Variants in GRIK4 observed in about 807,000 individuals in gnomAD.
GRIK4 encodes the protein glutamate receptor ionotropic, kainate 4.
A neutral mutation model predicts 104.9 loss-of-function variants in GRIK4; 40 were observed. The observed-to-expected ratio is 0.38, with a 90% CI of 0.30 to 0.50. The LOEUF is 0.50. Among genes scored for constraint, GRIK4 ranks in the 20% least tolerant of loss-of-function variants. The probability of loss-of-function intolerance (pLI) is 0.93; values close to 1 mark genes in which losing one functional copy is unlikely to be tolerated. For synonymous variants in GRIK4, 485 were observed against 524.9 expected, an observed-to-expected ratio of 0.92 and a Z score of 1.04; for missense variants, 1,047 against 1,308.1, an observed-to-expected ratio of 0.80 and a Z score of 3.08.
At chr11:120,951,378 C>T (rs1279580251) in intron 14 of GRIK4, among the ~76,000 whole-genome samples, 1 of 152,180 alleles carries the variant, frequency 6.6e-6, no homozygotes, top group Non-Finnish European at 1.5e-5. Context: ...TTCTAGCTTC[C>T]CCTGGATAAT....
rs1004462284 is a variant in GRIK4 at position 120,902,937 on chromosome 11, C to T, written c.1273-2353C>T. 6.6e-6 allele frequency among the ~76,000 whole-genome samples: 1 copy of T among 152,142 alleles called. No homozygotes were observed. The highest frequency in any genetic ancestry group is 2.4e-5 in the African/African-American group (1 of 41,414). ...TCATCCAGAATCAGAATCACGTCACCTTCCACTCAGAGCTCCCGCTCCCTG... is the reference window on the plus strand; with the variant it reads ...TCATCCAGAATCAGAATCACGTCACTTTCCACTCAGAGCTCCCGCTCCCTG... On this transcript the variant is annotated intron_variant, in intron 12 of 20. Coordinates refer to ENST00000527524, the MANE Select transcript of GRIK4 (RefSeq NM_014619.5). This position sits in a 1 kb window ranked among gnomAD's most constrained non-coding sequence, Gnocchi z 4.5.
At chr11:120,605,260 A>G (rs1208139894) in intron 1 of GRIK4, among the ~76,000 whole-genome samples, 1 of 152,200 alleles carries the variant, frequency 6.6e-6, no homozygotes, top group Non-Finnish European at 1.5e-5. Context: ...CGAGTATTTG[A>G]GGGAGGCTAG....
Position 120,911,241 on chromosome 11 carries a change from T to C in GRIK4, c.1476+5748T>C, listed in dbSNP as rs554957813. The stretch of plus-strand genomic sequence containing the variant: ...AGAAGGTACAGATTCCAAAATTCTC[T>C]TTTTTTTTTTTTTTTGAGACGGAGT... On this transcript the variant is annotated intron_variant, in intron 13 of 20. Coordinates refer to ENST00000527524, the MANE Select transcript of GRIK4 (RefSeq NM_014619.5). Among the ~76,000 whole-genome samples the C allele has an allele frequency of 4.7e-3, 612 of 131,104 alleles. 2 individuals are homozygous for C. The highest frequency in any genetic ancestry group is 0.018 in the African/African-American group (580 of 31,910). 86.0% of individuals were successfully genotyped at this position (131,104 alleles called of 152,430 possible). A position where few individuals can be genotyped will look rare whatever the true frequency, so the allele number is the denominator to read the frequency against.
At chr11:120,614,477 CATCTGGAGGCCCCCGG>C (rs1182801374) in intron 1 of GRIK4, among the ~76,000 whole-genome samples, 9 of 152,300 alleles carry the variant, frequency 5.9e-5, no homozygotes, top group Admixed American at 3.9e-4. Context: ...GAGGTGCCTG[CATCTGGAGGCCCCCGG>C]ATCAGCGAGT....
chr11:120,847,085 G>A (rs970500193), intron 8 of GRIK4, among the ~76,000 whole-genome samples: 4 of 152,216 alleles, frequency 2.6e-5, no homozygotes, highest in African/African-American at 9.6e-5. Flanking sequence ...TCGTGCCAAG[G>A]TGCTAATGTC....
chr11:120,715,284 A>G (rs3132775), intron 3 of GRIK4, among the ~76,000 whole-genome samples: 60,515 of 152,102 alleles, frequency 0.4, 13,911 homozygotes, highest in South Asian at 0.56. Flanking sequence ...CCAACCTACG[A>G]GGGCAGGCAA....
intron 3 of GRIK4, among the ~76,000 whole-genome samples, chr11:120,668,913 A>G (rs1949968122): frequency 6.6e-6 from 1 of 152,204 alleles, no homozygotes; most frequent in Admixed American, 6.5e-5. Flanking sequence ...TCCTGCATAG[A>G]AGCACTTAGG....
At chr11:120,795,037 A>G (rs77279456) in intron 3 of GRIK4, among the ~76,000 whole-genome samples, 1,792 of 152,078 alleles carry the variant, frequency 0.012, 67 homozygotes, top group Admixed American at 0.072. Flanking sequence ...TGGGGAGCAG[A>G]GCTAACGCAC....
chr11:120,789,368 C>T (rs908789754), intron 3 of GRIK4, among the ~76,000 whole-genome samples: 1 of 152,084 alleles, frequency 6.6e-6, no homozygotes, highest in Non-Finnish European at 1.5e-5. Flanking sequence ...TCAGTGAAGC[C>T]AAGAGCCCTC....
intron 13 of GRIK4, among the ~76,000 whole-genome samples, chr11:120,919,452 C>G (rs74602542): frequency 1.3e-5 from 2 of 152,158 alleles, no homozygotes; most frequent in Non-Finnish European, 2.9e-5. Flanking sequence ...TGTCCTTGAA[C>G]GAGTAGCATC....
Position 120,953,385 on chromosome 11 carries a change from C to T in GRIK4, c.1700+421C>T, listed in dbSNP as rs597670. Among the ~76,000 whole-genome samples the T allele has an allele frequency of 0.15, 23,435 of 151,906 alleles. 1,877 individuals carry two copies. Among genetic ancestry groups the T allele is most frequent in the Middle Eastern group, 0.28 (82 of 292 alleles). On this transcript the variant is annotated intron_variant, in intron 15 of 20. Coordinates refer to ENST00000527524, the MANE Select transcript of GRIK4 (RefSeq NM_014619.5). The surrounding 1 kb of genome is among the most constrained non-coding windows in gnomAD (Gnocchi z 4.9). ...CCACAAAGGATCTGCCACAAAGTGCCGAATGACAAGGAACAGAGCCTGCAA... is the reference window on the plus strand; with the variant it reads ...CCACAAAGGATCTGCCACAAAGTGCTGAATGACAAGGAACAGAGCCTGCAA...
chr11:120,925,386 G>A (rs1044316601), intron 13 of GRIK4, among the ~76,000 whole-genome samples: 4 of 152,122 alleles, frequency 2.6e-5, no homozygotes, highest in Admixed American at 2.0e-4. Context: ...ACAGGCCCCC[G>A]ATCACGCCTG....
intron 1 of GRIK4, among the ~76,000 whole-genome samples, chr11:120,599,752 CTCCTT>C (rs1303816814): frequency 1.3e-5 from 2 of 152,238 alleles, no homozygotes; most frequent in Non-Finnish European, 2.9e-5. Context: ...CCCTGAAACT[CTCCTT>C]TCAGCAGGGA....
At chr11:120,853,584 G>C (rs983642918) in intron 8 of GRIK4, among the ~76,000 whole-genome samples, 1 of 152,194 alleles carries the variant, frequency 6.6e-6, no homozygotes, top group African/African-American at 2.4e-5. Context: ...TGGACAGTGA[G>C]AGCATGGAAG....
At chr11:120,968,185 T>C (rs1187312333) in intron 19 of GRIK4, among the ~76,000 whole-genome samples, 1 of 152,168 alleles carries the variant, frequency 6.6e-6, no homozygotes, top group Non-Finnish European at 1.5e-5. Flanking sequence ...CTAAGAAGTG[T>C]TGACGGTCCC....
At chr11:120,954,199 A>T (rs1189244225) in intron 15 of GRIK4, among the ~76,000 whole-genome samples, 1 of 151,882 alleles carries the variant, frequency 6.6e-6, no homozygotes, top group Non-Finnish European at 1.5e-5. Flanking sequence ...GTCTGCACAT[A>T]CCTCTTCTAG....
At chr11:120,870,139 A>G (rs545803300) in intron 9 of GRIK4, 1 of 152,314 alleles carries the variant, frequency 6.6e-6, no homozygotes, top group Non-Finnish European at 1.5e-5. Context: ...TCATTGTTTC[A>G]GTGGGGTCAC....
chr11:120,973,012 AC>A (rs931487559), intron 19 of GRIK4, among the ~76,000 whole-genome samples: 1 of 152,064 alleles, frequency 6.6e-6, no homozygotes, highest in African/African-American at 2.4e-5. Flanking sequence ...ACCTATCCCC[AC>A]CCCAATACAA....
chr11:120,626,803 G>A (rs1237353974), intron 1 of GRIK4, among the ~76,000 whole-genome samples: 2 of 152,186 alleles, frequency 1.3e-5, no homozygotes, highest in African/African-American at 4.8e-5. Context: ...CTTGATCAGG[G>A]CTCGTCAGGA....
Sources: allele counts gnomAD v4.1 joint callset (sites outside exome capture counted in the v4.1 genomes callset), GRCh38; gene constraint gnomAD v4.1.1; non-coding constraint Gnocchi (gnomAD v3.1); transcripts MANE v1.5; gene names NCBI Gene and HGNC (gene_info 2026-07-23, HGNC 2026-07-21).